Variants in C19orf18 observed in about 807,000 individuals in gnomAD.
The protein encoded by C19orf18 is uncharacterized protein C19orf18.
Under a neutral mutation model 23.3 loss-of-function variants are expected in C19orf18, and 21 were observed. That is an observed-to-expected ratio of 0.90 (90% CI 0.64 to 1.30). The LOEUF (loss-of-function observed/expected upper bound fraction) is 1.30. C19orf18 is among the 50% of genes most tolerant of loss of function. The pLI, the probability that C19orf18 is intolerant of heterozygous loss-of-function variation, is 0.00. For synonymous variants in C19orf18, 96 were observed against 95.2 expected, an observed-to-expected ratio of 1.01 and a Z score of -0.05; for missense variants, 249 against 259.6, an observed-to-expected ratio of 0.96 and a Z score of 0.28.
In C19orf18 at chr19:57,974,344, A is replaced by G. The variant is rs368923779; in HGVS notation, c.89T>C (p.Leu30Pro). ...GCCTGTTATGTTTCCAGTGGGATGG[A>G]GTCCATCTGCATACGGCAAGCATAA... ...LHLCLPYADG[L>P]HPTGNITGLP... is the part of the protein sequence containing the mutation. The change falls in exon 1 of 6, where the codon CTC becomes CCC. Residue 30 changes from leucine to proline, a missense_variant. Coordinates refer to ENST00000314391, the MANE Select transcript of C19orf18 (RefSeq NM_152474.5). 2.0e-5 allele frequency: 33 copies of G among 1,614,080 alleles called. No individual in the cohort carries two copies. In the African/African-American group the frequency reaches 4.1e-4, roughly 20 times the overall value.
At chr19:57,967,401 T>C (rs537972010) in intron 3 of C19orf18, among the ~76,000 whole-genome samples, 46 of 152,290 alleles carry the variant, frequency 3.0e-4, no homozygotes, top group South Asian at 6.2e-4. Context: ...ATCGTGATAC[T>C]ACGGTGCCAG....
Position 57,958,481 on chromosome 19 carries a change from T to C in C19orf18, c.*121A>G, listed in dbSNP as rs1275429202. 5 of 641,822 alleles carry C rather than the reference T, an allele frequency of 7.8e-6. No individual in the cohort carries two copies. Among genetic ancestry groups the C allele is most frequent in the Non-Finnish European group, 1.3e-5 (5 of 373,036 alleles). 39.8% of individuals were successfully genotyped at this position (641,822 alleles called of 1,614,324 possible). A position where few individuals can be genotyped will look rare whatever the true frequency, so the allele number is the denominator to read the frequency against. ...TATTTTCTGGGATACAGGTCTGGCA[T>C]TTCTTTCTTTGATGTCCTCTTCCAT... On this transcript the variant is annotated 3_prime_UTR_variant, in exon 6 of 6. Transcript: ENST00000314391.
At chr19:57,969,158 A>C (rs531879889) in intron 3 of C19orf18, among the ~76,000 whole-genome samples, 1 of 152,074 alleles carries the variant, frequency 6.6e-6, no homozygotes, top group African/African-American at 2.4e-5. Flanking sequence ...CCAGGAATCT[A>C]TAAGTATAAA....
At chr19:57,972,365 G>A in intron 3 of C19orf18, 98 bp downstream of exon 3, 1 of 1,431,628 alleles carries the variant, frequency 7.0e-7, no homozygotes, top group East Asian at 2.3e-5. Context: ...CACGTGTGCA[G>A]GCTCCTTGGT....
rs376200036 is a variant in C19orf18, at chr19:57,974,218, T to A, written c.122-15A>T. 5.7e-5 allele frequency: 92 copies of A among 1,613,560 alleles called. No individual in the cohort carries two copies. The highest frequency in any genetic ancestry group is 7.2e-5 in the Non-Finnish European group (85 of 1,179,872). On this transcript the variant is annotated splice_polypyrimidine_tract_variant and intron_variant, in intron 1 of 5. Transcript: ENST00000314391. ...CCGTTTACTGCCTTGAAAAGAAAAC[T>A]TTTTGCGGTGAAATGTAATTACCTT...
intron 5 of C19orf18, among the ~76,000 whole-genome samples, chr19:57,961,152 G>C (rs1163648360): frequency 6.6e-6 from 1 of 151,964 alleles, no homozygotes; most frequent in East Asian, 1.9e-4. Context: ...GGAGAATGGC[G>C]TGAATCTGGG....
At chr19:57,960,487 C>T (rs2072860844) in intron 5 of C19orf18, among the ~76,000 whole-genome samples, 1 of 151,390 alleles carries the variant, frequency 6.6e-6, no homozygotes, top group African/African-American at 2.4e-5. Context: ...ATTTCATCCT[C>T]TTCTCACAAG....
chr19:57,971,391 C>A (rs1241481431), intron 3 of C19orf18, among the ~76,000 whole-genome samples: 1 of 152,090 alleles, frequency 6.6e-6, no homozygotes, highest in Non-Finnish European at 1.5e-5. Context: ...CAGGGACATA[C>A]CCCATGCCCC....
At chr19:57,973,753 C>T (rs12151138) in intron 2 of C19orf18, among the ~76,000 whole-genome samples, 37,623 of 150,560 alleles carry the variant, frequency 0.25, 4,958 homozygotes, top group African/African-American at 0.32. Flanking sequence ...AAAAAGAATT[C>T]TGTACACTCA....
intron 5 of C19orf18, among the ~76,000 whole-genome samples, chr19:57,959,654 G>A (rs2072851655): frequency 6.6e-6 from 1 of 151,388 alleles, no homozygotes; most frequent in East Asian, 2.0e-4. Flanking sequence ...AAATGAGCCC[G>A]GCATAGTGAC....
intron 5 of C19orf18, among the ~76,000 whole-genome samples, chr19:57,960,243 G>A (rs1245490266): frequency 2.0e-5 from 3 of 151,882 alleles, no homozygotes; most frequent in African/African-American, 2.4e-5. Context: ...TGGCTAACAC[G>A]GTGAAACCCC....
intron 5 of C19orf18, among the ~76,000 whole-genome samples, chr19:57,960,946 G>A (rs1316644225): frequency 6.6e-6 from 1 of 152,184 alleles, no homozygotes; most frequent in Non-Finnish European, 1.5e-5. Flanking sequence ...TTGGGAGGCC[G>A]AGGCGGGCGG....
intron 4 of C19orf18, among the ~76,000 whole-genome samples, chr19:57,966,055 G>A (rs1017479992): frequency 6.7e-6 from 1 of 150,158 alleles, no homozygotes; most frequent in African/African-American, 2.5e-5. Context: ...TCGGCTCACT[G>A]CAAGCTCCGC....
At chr19:57,971,860 G>C (rs1473909295) in intron 3 of C19orf18, among the ~76,000 whole-genome samples, 1 of 152,134 alleles carries the variant, frequency 6.6e-6, no homozygotes, top group Non-Finnish European at 1.5e-5. Context: ...TGCTTCTAGG[G>C]ACCCGTGAGT....
At chr19:57,972,886 G>C (rs2072954486) in intron 2 of C19orf18, among the ~76,000 whole-genome samples, 1 of 152,088 alleles carries the variant, frequency 6.6e-6, no homozygotes, top group African/African-American at 2.4e-5. Context: ...GCAAGGGTTG[G>C]GCACAGTGGC....
chr19:57,967,767 T>C (rs988929358), intron 3 of C19orf18, among the ~76,000 whole-genome samples: 2 of 143,110 alleles, frequency 1.4e-5, no homozygotes, highest in African/African-American at 5.3e-5. Flanking sequence ...AAAAAAAACT[T>C]TGGGAGGCAA....
At chr19:57,968,119 G>A (rs2072920647) in intron 3 of C19orf18, among the ~76,000 whole-genome samples, 1 of 152,248 alleles carries the variant, frequency 6.6e-6, no homozygotes, top group African/African-American at 2.4e-5. Context: ...GGTGGCTGGC[G>A]AGGGTTCACT....
At chr19:57,962,391 C>T (rs568133621) in intron 4 of C19orf18, among the ~76,000 whole-genome samples, 1 of 152,052 alleles carries the variant, frequency 6.6e-6, no homozygotes, top group Non-Finnish European at 1.5e-5. Flanking sequence ...TCAAGAAATC[C>T]GTGATGAACA....
At position 57,974,491 on chromosome 19, in the gene C19orf18, C is replaced by G; in HGVS notation, c.-59G>C. The G allele has an allele frequency of 6.3e-7, 1 of 1,590,676 alleles. No individual in the cohort carries two copies. Among genetic ancestry groups the G allele is most frequent in the Non-Finnish European group, 8.6e-7 (1 of 1,164,616 alleles). ...TGAAAGGAAATACTTAGCTACAGTC[C>G]AGCATCTGTCCTCTATTTATCTGAG... On this transcript the variant is annotated 5_prime_UTR_variant, in exon 1 of 6. Coordinates refer to ENST00000314391, the MANE Select transcript of C19orf18 (RefSeq NM_152474.5).
Sources: allele counts gnomAD v4.1 joint callset (sites outside exome capture counted in the v4.1 genomes callset), GRCh38; gene constraint gnomAD v4.1.1; transcripts MANE v1.5; gene names NCBI Gene and HGNC (gene_info 2026-07-23, HGNC 2026-07-21).